NR3C2: variants seen among roughly 807,000 people sequenced by gnomAD.
The protein encoded by NR3C2 is mineralocorticoid receptor.
NR3C2 carries 15 observed loss-of-function variants against 86.4 expected under a neutral mutation model. The observed-to-expected ratio is 0.17, with a 90% CI of 0.12 to 0.27. The LOEUF (loss-of-function observed/expected upper bound fraction) is 0.27. Among genes scored for constraint, NR3C2 ranks in the 10% least tolerant of loss-of-function variants. The pLI, the probability that NR3C2 is intolerant of heterozygous loss-of-function variation, is 1.00. For synonymous variants in NR3C2, 458 were observed against 450.5 expected (o/e 1.02, Z -0.21); for missense variants, 960 against 1,195.6 (o/e 0.80, Z 2.91).
At chr4:148,248,331 T>C (rs58158225) in intron 3 of NR3C2, among the ~76,000 whole-genome samples, 2 of 152,344 alleles carry the variant, frequency 1.3e-5, no homozygotes, top group East Asian at 3.9e-4. Flanking sequence ...CAATATCAAA[T>C]TGCTGAGCCC....
chr4:148,240,393 T>C (rs1738967851), intron 3 of NR3C2, among the ~76,000 whole-genome samples: 1 of 152,032 alleles, frequency 6.6e-6, no homozygotes, highest in Non-Finnish European at 1.5e-5. Flanking sequence ...GGCCAGTGTC[T>C]ACCACATTGG....
At chr4:148,392,232 G>A (rs1425170978) in intron 2 of NR3C2, among the ~76,000 whole-genome samples, 1 of 152,172 alleles carries the variant, frequency 6.6e-6, no homozygotes, top group Non-Finnish European at 1.5e-5. Flanking sequence ...GATAGACCAT[G>A]AGTAGAAATT....
intron 2 of NR3C2, among the ~76,000 whole-genome samples, chr4:148,335,469 A>G (rs538782563): frequency 6.6e-6 from 1 of 152,340 alleles, no homozygotes; most frequent in East Asian, 1.9e-4. Flanking sequence ...TACAGGAGTG[A>G]TCGCCTGCAG....
At chr4:148,091,226 C>CG (rs1560915915) in intron 8 of NR3C2, among the ~76,000 whole-genome samples, 1 of 152,228 alleles carries the variant, frequency 6.6e-6, no homozygotes, top group Non-Finnish European at 1.5e-5. Flanking sequence ...AGAATCCAAG[C>CG]GGGGGCCCCA....
At chr4:148,319,968 G>T (rs1052943096) in intron 2 of NR3C2, among the ~76,000 whole-genome samples, 35 of 146,876 alleles carry the variant, frequency 2.4e-4, no homozygotes, top group African/African-American at 8.6e-4. Context: ...TTTTCAAAGG[G>T]AATGCTTCCA....
At position 148,402,688 on chromosome 4, in the gene NR3C2, T is replaced by C. The variant is rs574669374; in HGVS notation, c.1757+32416A>G. 3.9e-4 allele frequency among the ~76,000 whole-genome samples: 59 copies of C among 152,316 alleles called. 1 individual carries two copies. In the Middle Eastern group the frequency reaches 0.014, roughly 35 times the overall value. On this transcript the variant is annotated intron_variant, in intron 2 of 8. Coordinates refer to ENST00000358102, the MANE Select transcript of NR3C2 (RefSeq NM_000901.5). ...AATATCTTCATTTCAATATCCCTAG[T>C]ACCTATGTAGCAAATGATAGGCATT...
intron 6 of NR3C2, among the ~76,000 whole-genome samples, chr4:148,143,292 G>A (rs1281340945): frequency 1.3e-5 from 2 of 152,186 alleles, no homozygotes; most frequent in Non-Finnish European, 2.9e-5. Flanking sequence ...AAGCTCTTGA[G>A]GAAATTCACT....
At chr4:148,085,937 C>T (rs372657526) in intron 8 of NR3C2, among the ~76,000 whole-genome samples, 9 of 152,240 alleles carry the variant, frequency 5.9e-5, no homozygotes, top group South Asian at 4.2e-4. Context: ...AGGAAGAAGT[C>T]GAATGCCTGA....
intron 8 of NR3C2, among the ~76,000 whole-genome samples, chr4:148,108,311 T>C (rs1186143237): frequency 7.9e-5 from 12 of 152,168 alleles, no homozygotes; most frequent in African/African-American, 1.2e-4. Flanking sequence ...CCATGTTGGC[T>C]GGGCTGGTCT....
chr4:148,397,016 TG>T (rs1295609647), intron 2 of NR3C2, among the ~76,000 whole-genome samples: 1 of 152,210 alleles, frequency 6.6e-6, no homozygotes, highest in African/African-American at 2.4e-5. Flanking sequence ...AAATGTTCTC[TG>T]GAAAAATCAA....
intron 3 of NR3C2, among the ~76,000 whole-genome samples, chr4:148,258,311 T>C (rs1739926430): frequency 6.6e-6 from 1 of 152,210 alleles, no homozygotes; most frequent in Non-Finnish European, 1.5e-5. Context: ...CACCTATTTA[T>C]CTTTTACTGA....
In NR3C2 at chr4:148,107,816, G is replaced by C. The variant is rs115151439; in HGVS notation, c.2799+6288C>G. On this transcript the variant is annotated intron_variant, in intron 8 of 8. Coordinates refer to ENST00000358102, the MANE Select transcript of NR3C2 (RefSeq NM_000901.5). ...AACAATAAAAACACATGGACACAGG[G>C]AGGGGCACAACACAAACCGGGGCCT... Among the ~76,000 whole-genome samples, 618 of 152,212 alleles carry C rather than the reference G, an allele frequency of 4.1e-3. 6 individuals are homozygous for C. Among genetic ancestry groups the C allele is most frequent in the African/African-American group, 9.4e-3 (392 of 41,514 alleles).
At chr4:148,122,989 A>ATT (rs1732578923) in intron 6 of NR3C2, among the ~76,000 whole-genome samples, 1 of 152,130 alleles carries the variant, frequency 6.6e-6, no homozygotes, top group Admixed American at 6.5e-5. Flanking sequence ...AAAAAGCCAT[A>ATT]TTTTTCTTCT....
At chr4:148,155,449 A>G (rs906401862) in intron 4 of NR3C2, among the ~76,000 whole-genome samples, 4 of 152,188 alleles carry the variant, frequency 2.6e-5, no homozygotes, top group Admixed American at 2.6e-4. Context: ...AAAAATCACA[A>G]GCATTCTTAT....
rs61759968 is a variant in NR3C2, at chr4:148,431,398, T to C, written c.1757+3706A>G. ...TCAAAGGAAATTACACTGGCAGCTCTTGGGGCACATTAGTGATCAGCAAAA... is the reference window on the plus strand; with the variant it reads ...TCAAAGGAAATTACACTGGCAGCTCCTGGGGCACATTAGTGATCAGCAAAA... On this transcript the variant is annotated intron_variant, in intron 2 of 8. Coordinates refer to ENST00000358102, the MANE Select transcript of NR3C2 (RefSeq NM_000901.5). Among the ~76,000 whole-genome samples, 784 of 152,280 alleles carry C rather than the reference T, an allele frequency of 5.1e-3. 3 individuals are homozygous for C. Among genetic ancestry groups the C allele is most frequent in the Non-Finnish European group, 7.9e-3 (535 of 68,012 alleles).
At chr4:148,369,775 T>C (rs1350703881) in intron 2 of NR3C2, among the ~76,000 whole-genome samples, 1 of 152,048 alleles carries the variant, frequency 6.6e-6, no homozygotes, top group East Asian at 1.9e-4. Flanking sequence ...ACAAAACAAA[T>C]ACAACTGTTT....
At chr4:148,399,862 A>G (rs993192335) in intron 2 of NR3C2, among the ~76,000 whole-genome samples, 3 of 152,222 alleles carry the variant, frequency 2.0e-5, no homozygotes, top group Non-Finnish European at 2.9e-5. Flanking sequence ...ACACTAGGTT[A>G]GAACTGTAAA....
At chr4:148,276,121 T>C (rs964004121) in intron 2 of NR3C2, among the ~76,000 whole-genome samples, 1 of 152,152 alleles carries the variant, frequency 6.6e-6, no homozygotes, top group African/African-American at 2.4e-5. Flanking sequence ...CTCAGAATCT[T>C]GGAGTCCTTA....
chr4:148,301,933 C>T (rs186565520), intron 2 of NR3C2, among the ~76,000 whole-genome samples: 3 of 152,230 alleles, frequency 2.0e-5, no homozygotes, highest in Admixed American at 1.3e-4. Flanking sequence ...AATATATGTT[C>T]CAAAATTGTA....
Sources: gnomAD v4.1 joint callset for allele counts (sites outside exome capture counted in the v4.1 genomes callset) on GRCh38, gnomAD v4.1.1 for gene constraint, MANE v1.5 for transcripts, NCBI Gene and HGNC (gene_info 2026-07-23, HGNC 2026-07-21) for gene names.